Variants in KDM4B observed in about 807,000 individuals in gnomAD.
KDM4B encodes lysine-specific demethylase 4B.
KDM4B carries 32 observed loss-of-function variants against 125.2 expected under a neutral mutation model. That is an observed-to-expected ratio of 0.26 (90% confidence interval 0.19 to 0.34). The LOEUF is 0.34. Ranked by LOEUF, KDM4B falls within the 10% of genes least tolerant of loss-of-function variation. The probability of loss-of-function intolerance (pLI) is 1.00; values close to 1 mark genes in which losing one functional copy is unlikely to be tolerated. For synonymous variants in KDM4B, 721 were observed against 677.9 expected (o/e 1.06, Z -0.99); for missense variants, 1,190 against 1,577.7 (o/e 0.75, Z 4.16).
chr19:5,011,473 G>A (rs776906175), intron 1 of KDM4B, among the ~76,000 whole-genome samples: 4 of 152,178 alleles, frequency 2.6e-5, no homozygotes, highest in African/African-American at 9.7e-5. Context: ...ACCTGTAAGG[G>A]GTACGCAGAG....
chr19:5,093,534 C>G (rs2038754408), intron 9 of KDM4B, among the ~76,000 whole-genome samples: 2 of 152,226 alleles, frequency 1.3e-5, no homozygotes, highest in Non-Finnish European at 1.5e-5. Context: ...TGTTATCGGC[C>G]TCACTGCAGC....
intron 1 of KDM4B, among the ~76,000 whole-genome samples, chr19:4,976,168 G>A (rs1174787344): frequency 1.6e-5 from 2 of 125,356 alleles, no homozygotes; most frequent in Non-Finnish European, 3.3e-5. Flanking sequence ...AGAATCGCTT[G>A]AACCCTGGAG....
Position 5,047,658 on chromosome 19 carries a change from G to C in KDM4B, c.615G>C (p.Glu205Asp). 1 of 1,613,768 alleles carries C rather than the reference G, an allele frequency of 6.2e-7. No homozygotes were observed. The highest frequency in any genetic ancestry group is 8.5e-7 in the Non-Finnish European group (1 of 1,179,744). ...GCATCAACTACCTGCACTTTGGGGAGCCTAAGTCCTGGTGAGTGTCTGCAC... is the reference window on the plus strand; with the variant it reads ...GCATCAACTACCTGCACTTTGGGGACCCTAAGTCCTGGTGAGTGTCTGCAC... ...LYSINYLHFG[E>D]PKSWYAIPPE... Residue 205 changes from glutamate (E) to aspartate (D), a missense_variant, in exon 6 of 23, where the codon GAG becomes GAC. Transcript: ENST00000159111.
chr19:5,035,664 C>T lies in KDM4B; in HGVS notation c.141+2633C>T, dbSNP rs752992678. Among the ~76,000 whole-genome samples the T allele has an allele frequency of 6.6e-6, 1 of 152,122 alleles. No individual in the cohort carries two copies. The highest frequency in any genetic ancestry group is 2.1e-4 in the South Asian group (1 of 4,824). On this transcript the variant is annotated intron_variant, in intron 3 of 22. Coordinates refer to ENST00000159111, the MANE Select transcript of KDM4B (RefSeq NM_015015.3). This position sits in a 1 kb window ranked among gnomAD's most constrained non-coding sequence, Gnocchi z 5.3. ...GTTCCCCCGAGATTCTTGGCACCGGCGTCTTAAGCCAGTGTGGGGAGTATG... is the reference window on the plus strand; with the variant it reads ...GTTCCCCCGAGATTCTTGGCACCGGTGTCTTAAGCCAGTGTGGGGAGTATG...
chr19:5,147,514 G>C (rs769761263), intron 21 of KDM4B, among the ~76,000 whole-genome samples: 2 of 152,300 alleles, frequency 1.3e-5, no homozygotes, highest in East Asian at 3.9e-4. Context: ...GGAGGCTGAG[G>C]TGGGCAGAGC....
At chr19:5,027,219 A>G (rs263066) in intron 2 of KDM4B, among the ~76,000 whole-genome samples, 57,804 of 152,168 alleles carry the variant, frequency 0.38, 11,852 homozygotes, top group East Asian at 0.73. Context: ...ACATCTGTGT[A>G]TTTGTGCCAG....
intron 11 of KDM4B, among the ~76,000 whole-genome samples, chr19:5,129,886 C>T (rs936188206): frequency 7.2e-5 from 11 of 152,314 alleles, no homozygotes; most frequent in East Asian, 5.8e-4. Flanking sequence ...TCCAAGTTGC[C>T]GTGCCACAAC....
chr19:5,009,628 G>A (rs149806297), intron 1 of KDM4B, among the ~76,000 whole-genome samples: 10 of 152,326 alleles, frequency 6.6e-5, no homozygotes, highest in African/African-American at 2.2e-4. Flanking sequence ...AGCACAGAGC[G>A]TTCCTGTGTA....
chr19:4,987,392 C>T (rs1012016276), intron 1 of KDM4B, among the ~76,000 whole-genome samples: 6 of 151,736 alleles, frequency 4.0e-5, no homozygotes, highest in African/African-American at 9.7e-5. Context: ...AAGCTTGGAA[C>T]GTTTCTGTGT....
At chr19:5,050,349 C>T (rs983593079) in intron 6 of KDM4B, among the ~76,000 whole-genome samples, 4 of 152,224 alleles carry the variant, frequency 2.6e-5, no homozygotes, top group Non-Finnish European at 2.9e-5. Context: ...AGAGACTGAG[C>T]GCCTCAAAAT....
intron 6 of KDM4B, among the ~76,000 whole-genome samples, chr19:5,048,163 G>A (rs940079171): frequency 3.3e-5 from 5 of 152,196 alleles, no homozygotes; most frequent in South Asian, 4.1e-4. Context: ...GCAGGCCTGT[G>A]TGCAGTGTGG....
intron 1 of KDM4B, among the ~76,000 whole-genome samples, chr19:4,980,755 C>G (rs73536568): frequency 1.3e-5 from 2 of 152,086 alleles, no homozygotes; most frequent in African/African-American, 4.8e-5. Flanking sequence ...TGGCTGCATC[C>G]TATTCCCCTG....
chr19:5,001,660 C>CTTA (rs1473825651), intron 1 of KDM4B, among the ~76,000 whole-genome samples: 2 of 150,048 alleles, frequency 1.3e-5, no homozygotes, highest in Non-Finnish European at 2.9e-5. Flanking sequence ...TTATGCTAAA[C>CTTA]ACCCATGTAA....
chr19:5,101,004 T>C (rs1200284587), intron 9 of KDM4B, among the ~76,000 whole-genome samples: 1 of 151,984 alleles, frequency 6.6e-6, no homozygotes, highest in Non-Finnish European at 1.5e-5. Context: ...GCGGATCACC[T>C]GAGGTCAGGA....
intron 2 of KDM4B, among the ~76,000 whole-genome samples, chr19:5,024,142 C>T (rs1278836518): frequency 6.6e-6 from 1 of 152,162 alleles, no homozygotes; most frequent in East Asian, 1.9e-4. Flanking sequence ...CCCTTGCGCC[C>T]ACACCCCTGC....
At chr19:4,970,130 G>C (rs960727992) in intron 1 of KDM4B, among the ~76,000 whole-genome samples, 2 of 152,156 alleles carry the variant, frequency 1.3e-5, no homozygotes, top group African/African-American at 4.8e-5. Context: ...TCTGCGCTCA[G>C]TGGTGGCCAT....
Position 5,060,433 on chromosome 19 carries a change from C to CAAAAAAAAAAAAA in KDM4B, c.627-10559_627-10547dup, listed in dbSNP as rs901472663. 7.2e-3 allele frequency among the ~76,000 whole-genome samples: 237 copies of CAAAAAAAAAAAAA among 32,968 alleles called. 33 individuals are homozygous for CAAAAAAAAAAAAA. Among genetic ancestry groups the CAAAAAAAAAAAAA allele is most frequent in the Non-Finnish European group, 0.012 (190 of 15,470 alleles). The allele number at this position is 32,968 out of a possible 152,430, so 21.6% of individuals were successfully genotyped here. On this transcript the variant is annotated intron_variant, in intron 6 of 22. Coordinates refer to ENST00000159111, the MANE Select transcript of KDM4B (RefSeq NM_015015.3). Reference sequence around the variant, plus strand: ...GGGTGACGGAGGAAGACTCTGTCTCCAAAAAAAAAAAAAAAAAAAAAAAAA... The same window carrying CAAAAAAAAAAAAA: ...GGGTGACGGAGGAAGACTCTGTCTCCAAAAAAAAAAAAAAAAAAAAAAAAAAAAAAAAAAAAAA...
intron 2 of KDM4B, among the ~76,000 whole-genome samples, chr19:5,019,596 G>C (rs567518193): frequency 6.0e-5 from 9 of 149,624 alleles, no homozygotes; most frequent in Admixed American, 5.3e-4. Flanking sequence ...TGGTGTGCGG[G>C]TGTTGGTGTG....
At position 5,071,114 on chromosome 19, in the gene KDM4B, TG is replaced by T. The variant is rs2037934413; in HGVS notation, c.676+58del. 1.9e-6 allele frequency: 3 copies of T among 1,558,320 alleles called. No individual in the cohort carries two copies. In the African/African-American group the frequency reaches 4.1e-5, roughly 21 times the overall value. On this transcript the variant is annotated intron_variant, in intron 7 of 22. Coordinates refer to ENST00000159111, the MANE Select transcript of KDM4B (RefSeq NM_015015.3). ...CCTGGGACCAGGTGGGAGGGGCCTG[TG>T]GGTGGGGAAGGGCAGCTGGCGTCCC...
Sources: gnomAD v4.1 joint callset for allele counts (sites outside exome capture counted in the v4.1 genomes callset) on GRCh38, gnomAD v4.1.1 for gene constraint, Gnocchi (gnomAD v3.1) non-coding constraint, MANE v1.5 for transcripts, NCBI Gene and HGNC (gene_info 2026-07-23, HGNC 2026-07-21) for gene names.